Variants in KCNQ5 observed in about 807,000 individuals in gnomAD.
KCNQ5 encodes potassium voltage-gated channel subfamily KQT member 5.
In KCNQ5, 30 loss-of-function variants were observed where a neutral mutation model predicts 98.2. The observed-to-expected ratio is 0.31, with a 90% CI of 0.23 to 0.41. The LOEUF is 0.41. KCNQ5 is among the 10% of genes least tolerant of loss of function. The pLI is 1.00. For synonymous variants in KCNQ5, 458 were observed against 449.4 expected, an observed-to-expected ratio of 1.02 and a Z score of -0.24; for missense variants, 835 against 1,182.5, an observed-to-expected ratio of 0.71 and a Z score of 4.31.
intron 1 of KCNQ5, among the ~76,000 whole-genome samples, chr6:72,805,198 G>A (rs1042576016): frequency 1.3e-5 from 2 of 151,988 alleles, no homozygotes; most frequent in Non-Finnish European, 2.9e-5. Context: ...TTTTTGCTTT[G>A]ATTGCCTGTA....
chr6:72,984,818 G>C (rs977885234), intron 1 of KCNQ5, among the ~76,000 whole-genome samples: 6 of 152,172 alleles, frequency 3.9e-5, no homozygotes, highest in Non-Finnish European at 8.8e-5. Context: ...CTGCAGACCA[G>C]AGCTGTTGCT....
chr6:72,667,741 T>C (rs949327955), intron 1 of KCNQ5, among the ~76,000 whole-genome samples: 4 of 152,228 alleles, frequency 2.6e-5, no homozygotes, highest in Admixed American at 1.3e-4. Flanking sequence ...TGTTTCCTAA[T>C]GTAATAGTAA....
chr6:72,797,760 A>G (rs75163968), intron 1 of KCNQ5, among the ~76,000 whole-genome samples: 4,856 of 152,234 alleles, frequency 0.032, 247 homozygotes, highest in African/African-American at 0.11. Flanking sequence ...AATAAACAAC[A>G]AAATAAGATC....
chr6:72,974,810 G>T (rs1768079306), intron 1 of KCNQ5, among the ~76,000 whole-genome samples: 1 of 151,628 alleles, frequency 6.6e-6, no homozygotes, highest in African/African-American at 2.4e-5. Context: ...CACCATCTCG[G>T]CTCACTGCAA....
chr6:72,987,522 C>T (rs1213134117), intron 1 of KCNQ5: 12 of 659,642 alleles, frequency 1.8e-5, no homozygotes, highest in African/African-American at 8.9e-5. Flanking sequence ...TTCGTTCAGC[C>T]GCCACCCCCT....
chr6:72,639,577 G>A (rs1380919666), intron 1 of KCNQ5, among the ~76,000 whole-genome samples: 1 of 152,190 alleles, frequency 6.6e-6, no homozygotes, highest in Non-Finnish European at 1.5e-5. Context: ...GGGGACTCCA[G>A]AAGAGAGGGT....
At chr6:72,665,699 A>G (rs904792785) in intron 1 of KCNQ5, among the ~76,000 whole-genome samples, 3 of 152,018 alleles carry the variant, frequency 2.0e-5, no homozygotes, top group Non-Finnish European at 4.4e-5. Context: ...TCAAATTTCC[A>G]CTTGTTTACC....
intron 5 of KCNQ5, among the ~76,000 whole-genome samples, chr6:73,096,726 C>T (rs895370283): frequency 6.6e-5 from 10 of 152,168 alleles, no homozygotes; most frequent in African/African-American, 2.4e-4. Context: ...ATTAACATAT[C>T]CACCACTTCA....
intron 1 of KCNQ5, among the ~76,000 whole-genome samples, chr6:72,842,759 T>C (rs770625400): frequency 6.6e-6 from 1 of 152,220 alleles, no homozygotes; most frequent in Non-Finnish European, 1.5e-5. Flanking sequence ...TTTTTTCATA[T>C]GTTTGTTGGC....
At chr6:72,782,618 T>A (rs1375418896) in intron 1 of KCNQ5, among the ~76,000 whole-genome samples, 1 of 152,194 alleles carries the variant, frequency 6.6e-6, no homozygotes, top group Non-Finnish European at 1.5e-5. Context: ...CAAGTTTCAA[T>A]GGAAATGTTT....
rs943030975 is a variant in KCNQ5 at position 73,198,837 on chromosome 6, A to C, written c.*3423A>C. The C allele has an allele frequency of 7.9e-5, 12 of 152,252 alleles. No homozygotes were observed. Among genetic ancestry groups the C allele is most frequent in the Non-Finnish European group, 2.9e-5 (2 of 68,048 alleles). The allele number at this position is 152,252 out of a possible 1,614,324, so 9.4% of individuals were successfully genotyped here. On this transcript the variant is annotated 3_prime_UTR_variant, in exon 14 of 14. Coordinates refer to ENST00000370398, the MANE Select transcript of KCNQ5 (RefSeq NM_019842.4). ...TATTTGTTTTAAAGTAAAACATTAA[A>C]AAGATGTCTATAAACAGCTAGTGTG...
At chr6:72,876,272 T>C (rs1424836579) in intron 1 of KCNQ5, among the ~76,000 whole-genome samples, 3 of 152,156 alleles carry the variant, frequency 2.0e-5, no homozygotes, top group Non-Finnish European at 2.9e-5. Context: ...TCCATTGGTT[T>C]ATGCATTTAA....
intron 7 of KCNQ5, among the ~76,000 whole-genome samples, chr6:73,119,314 G>GT (rs1480644966): frequency 1.3e-5 from 2 of 152,196 alleles, no homozygotes; most frequent in African/African-American, 4.8e-5. Context: ...CTGAGATATT[G>GT]TCTCAACTCC....
chr6:73,119,527 C>T (rs1775657012), intron 7 of KCNQ5, among the ~76,000 whole-genome samples: 2 of 152,136 alleles, frequency 1.3e-5, no homozygotes, highest in Admixed American at 1.3e-4. Context: ...GGCATAAATC[C>T]GTAGGTGTTT....
chr6:72,787,792 C>G (rs1773831930), intron 1 of KCNQ5, among the ~76,000 whole-genome samples: 1 of 152,186 alleles, frequency 6.6e-6, no homozygotes, highest in Non-Finnish European at 1.5e-5. Flanking sequence ...CAAACTTAAT[C>G]AGCTCCTCTA....
At chr6:72,912,313 G>A (rs1779974377) in intron 1 of KCNQ5, among the ~76,000 whole-genome samples, 1 of 152,148 alleles carries the variant, frequency 6.6e-6, no homozygotes, top group South Asian at 2.1e-4. Flanking sequence ...TTCGTAGTAA[G>A]CATCGATGGA....
At chr6:72,923,812 C>T (rs1414715472) in intron 1 of KCNQ5, among the ~76,000 whole-genome samples, 5 of 152,078 alleles carry the variant, frequency 3.3e-5, no homozygotes, top group African/African-American at 4.8e-5. Flanking sequence ...TTTTTTGTTC[C>T]TGCATTAGTT....
intron 2 of KCNQ5, among the ~76,000 whole-genome samples, chr6:73,019,031 C>CTAGATTTGCTTTCTT: frequency 6.6e-6 from 1 of 152,122 alleles, no homozygotes; most frequent in African/African-American, 2.4e-5. Flanking sequence ...TCATTAGCAT[C>CTAGATTTGCTTTCTT]ACCACATTGT....
chr6:73,186,872 G>T (rs1013099140), intron 11 of KCNQ5, among the ~76,000 whole-genome samples: 1 of 151,764 alleles, frequency 6.6e-6, no homozygotes, highest in African/African-American at 2.4e-5. Context: ...TACATGTGCC[G>T]TGTTGGTGTG....
Sources: allele counts gnomAD v4.1 joint callset (sites outside exome capture counted in the v4.1 genomes callset), GRCh38; gene constraint gnomAD v4.1.1; transcripts MANE v1.5; gene names NCBI Gene and HGNC (gene_info 2026-07-23, HGNC 2026-07-21).